HEMK2: variants seen among roughly 807,000 people sequenced by gnomAD.
HEMK2 encodes HemK methyltransferase 2, ETF1 glutamine and histone H4 lysine.
At chr21:28,591,598 C>T in the HEMK2 span, among the ~76,000 whole-genome samples, 3 of 152,130 alleles carry the variant, frequency 2.0e-5, no homozygotes, top group Non-Finnish European at 4.4e-5. Context: ...ATTGTTTATA[C>T]AGGTAAACTC....
At chr21:28,836,048 C>T in the HEMK2 span, among the ~76,000 whole-genome samples, 1 of 152,140 alleles carries the variant, frequency 6.6e-6, no homozygotes, top group African/African-American at 2.4e-5. Flanking sequence ...ATTCTAAAAG[C>T]TTGGGAAACA....
chr21:28,708,017 T>A, the HEMK2 span, among the ~76,000 whole-genome samples: 22 of 152,298 alleles, frequency 1.4e-4, no homozygotes, highest in East Asian at 4.2e-3. Flanking sequence ...GATTCCAGAT[T>A]GCTGGATCTG....
the HEMK2 span, among the ~76,000 whole-genome samples, chr21:28,818,665 G>A: frequency 3.8e-4 from 58 of 152,202 alleles, no homozygotes; most frequent in African/African-American, 1.3e-3. Flanking sequence ...TGGCCTGATG[G>A]GCTTGCCACA....
At chr21:28,824,632 T>C in the HEMK2 span, among the ~76,000 whole-genome samples, 1 of 152,086 alleles carries the variant, frequency 6.6e-6, no homozygotes, top group South Asian at 2.1e-4. Context: ...TTCACTGGAG[T>C]TGCTTCCCAG....
At chr21:28,687,776 T>C in the HEMK2 span, among the ~76,000 whole-genome samples, 2 of 152,224 alleles carry the variant, frequency 1.3e-5, no homozygotes, top group Non-Finnish European at 2.9e-5. Context: ...GGTAATGTAC[T>C]TGGCTTAATG....
chr21:28,787,524 A>T, the HEMK2 span, among the ~76,000 whole-genome samples: 1 of 152,012 alleles, frequency 6.6e-6, no homozygotes, highest in African/African-American at 2.4e-5. Context: ...AAAAAAAAAG[A>T]ACAATCCCAT....
the HEMK2 span, among the ~76,000 whole-genome samples, chr21:28,769,384 C>G: frequency 2.6e-5 from 4 of 152,048 alleles, no homozygotes; most frequent in African/African-American, 9.7e-5. Flanking sequence ...GTTTTCTCCC[C>G]CAAAATGAAC....
chr21:28,635,324 C>T, the HEMK2 span, among the ~76,000 whole-genome samples: 1 of 151,912 alleles, frequency 6.6e-6, no homozygotes, highest in Admixed American at 6.6e-5. Flanking sequence ...GGCTGGTCTC[C>T]ACCTCCTGAC....
the HEMK2 span, among the ~76,000 whole-genome samples, chr21:28,611,798 C>T: frequency 6.6e-6 from 1 of 151,344 alleles, no homozygotes; most frequent in East Asian, 1.9e-4. Flanking sequence ...GTCCCAGCTA[C>T]TCAGAATGCT....
chr21:28,586,461 T>A, the HEMK2 span, among the ~76,000 whole-genome samples: 5 of 152,218 alleles, frequency 3.3e-5, no homozygotes, highest in African/African-American at 1.2e-4. Flanking sequence ...TAGTATAAGA[T>A]GATTGCTTGC....
At chr21:28,836,665 C>T in the HEMK2 span, among the ~76,000 whole-genome samples, 2 of 152,180 alleles carry the variant, frequency 1.3e-5, no homozygotes, top group South Asian at 4.1e-4. Flanking sequence ...CATTTCAATA[C>T]TAACATTGAA....
chr21:28,884,845 T>C, the HEMK2 span, among the ~76,000 whole-genome samples: 2 of 152,210 alleles, frequency 1.3e-5, no homozygotes, highest in Non-Finnish European at 2.9e-5. Flanking sequence ...TGTAATACTT[T>C]AAAAATATTA....
the HEMK2 span, among the ~76,000 whole-genome samples, chr21:28,623,306 A>G: frequency 5.8e-3 from 890 of 152,376 alleles, 7 homozygotes; most frequent in African/African-American, 0.02. Flanking sequence ...GACAGTTAGA[A>G]TAGCGATCAT....
the HEMK2 span, among the ~76,000 whole-genome samples, chr21:28,628,342 G>A: frequency 1.3e-5 from 2 of 152,010 alleles, no homozygotes; most frequent in African/African-American, 4.8e-5. Context: ...ATTGATCTTT[G>A]CAACCACTAT....
chr21:28,596,169 A>G, the HEMK2 span, among the ~76,000 whole-genome samples: 1 of 151,934 alleles, frequency 6.6e-6, no homozygotes, highest in Non-Finnish European at 1.5e-5. Flanking sequence ...GGCGCCCGCC[A>G]CCACACCTGG....
chr21:28,619,633 C>T, the HEMK2 span, among the ~76,000 whole-genome samples: 5 of 152,162 alleles, frequency 3.3e-5, no homozygotes, highest in African/African-American at 9.7e-5. Flanking sequence ...CTTTAACATA[C>T]CTTCTTTTAG....
the HEMK2 span, among the ~76,000 whole-genome samples, chr21:28,772,752 C>T: frequency 1.3e-5 from 2 of 152,136 alleles, no homozygotes; most frequent in Admixed American, 1.3e-4. Context: ...CCCACATCAG[C>T]ATTAACCAAA....
the HEMK2 span, among the ~76,000 whole-genome samples, chr21:28,738,033 T>C: frequency 6.6e-6 from 1 of 152,226 alleles, no homozygotes; most frequent in Non-Finnish European, 1.5e-5. Context: ...GAGGATTGTT[T>C]CTTAGCTTCT....
At chr21:28,605,162 T>C in the HEMK2 span, among the ~76,000 whole-genome samples, 3 of 152,206 alleles carry the variant, frequency 2.0e-5, no homozygotes, top group Non-Finnish European at 4.4e-5. Flanking sequence ...AGAATTCCCA[T>C]TTGGGAACCA....
Sources: allele counts gnomAD v4.1 joint callset (sites outside exome capture counted in the v4.1 genomes callset), GRCh38; gene constraint gnomAD v4.1.1; transcripts MANE v1.5; gene names NCBI Gene and HGNC (gene_info 2026-07-23, HGNC 2026-07-21).